MARK3: variants seen among roughly 807,000 people sequenced by gnomAD.
The protein encoded by MARK3 is microtubule affinity regulating kinase 3, also known as MAP/microtubule affinity-regulating kinase 3.
Under a neutral mutation model 90.1 loss-of-function variants are expected in MARK3, and 46 were observed. The observed-to-expected ratio is 0.51, with a 90% CI of 0.40 to 0.65. The LOEUF is 0.65. MARK3 is among the 30% of genes least tolerant of loss of function. The pLI, the probability that MARK3 is intolerant of heterozygous loss-of-function variation, is 0.00. For missense variants in MARK3, 818 were observed against 947.2 expected (o/e 0.86, Z 1.79); for synonymous variants, 321 against 332.6 (o/e 0.97, Z 0.38).
At chr14:103,475,314 C>A in intron 13 of MARK3, 104 bp downstream of exon 13, 1 of 899,512 alleles carries the variant, frequency 1.1e-6, no homozygotes, top group Non-Finnish European at 1.8e-6. Context: ...CTGGAATGCC[C>A]TCTCTACTAG....
At chr14:103,491,338 G>T in intron 14 of MARK3, 1 of 211,398 alleles carries the variant, frequency 4.7e-6, no homozygotes, top group East Asian at 1.4e-4. Flanking sequence ...CTCCCAAGTT[G>T]CTTTCAGCAT....
At chr14:103,474,968 T>C in intron 12 of MARK3, 25 bp from the exon 13 acceptor site, 1 of 1,573,550 alleles carries the variant, frequency 6.4e-7, no homozygotes, top group Non-Finnish European at 8.7e-7. Context: ...ATTCAGTCAT[T>C]TAAAAAATGA....
intron 3 of MARK3, among the ~76,000 whole-genome samples, chr14:103,437,985 C>G (rs1328304217): frequency 1.3e-5 from 2 of 152,138 alleles, no homozygotes; most frequent in African/African-American, 4.8e-5. Flanking sequence ...TCACAACAGT[C>G]CTGTGAAGCA....
intron 14 of MARK3, among the ~76,000 whole-genome samples, chr14:103,486,364 G>C (rs1451710944): frequency 6.7e-6 from 1 of 149,252 alleles, no homozygotes; most frequent in Non-Finnish European, 1.5e-5. Context: ...GTTTGAGCCT[G>C]GGAGATGGAG....
chr14:103,493,240 C>CT (rs11437791), intron 15 of MARK3, among the ~76,000 whole-genome samples: 45,968 of 123,004 alleles, frequency 0.37, 8,877 homozygotes, highest in East Asian at 0.59. Context: ...GGGAGTATTC[C>CT]TTTTTTTTTT....
At chr14:103,415,257 G>C (rs2091896805) in intron 2 of MARK3, among the ~76,000 whole-genome samples, 1 of 147,094 alleles carries the variant, frequency 6.8e-6, no homozygotes, top group Non-Finnish European at 1.5e-5. Context: ...TTATAAACAA[G>C]ATACATTAAT....
chr14:103,452,018 C>G, intron 5 of MARK3, 35 bp downstream of exon 5: 1 of 1,410,466 alleles, frequency 7.1e-7, no homozygotes, highest in Non-Finnish European at 1.0e-6. Context: ...GGTTTTTTTT[C>G]TTTCTCCCTT....
chr14:103,399,699 C>CAAAA (rs34202093), intron 1 of MARK3, among the ~76,000 whole-genome samples: 1 of 84,328 alleles, frequency 1.2e-5, no homozygotes, highest in African/African-American at 4.5e-5. Context: ...GACTCCATCT[C>CAAAA]AAAAAAAAAA....
Position 103,480,497 on chromosome 14 carries a change from G to T in MARK3, c.1586+7G>T. On this transcript the variant is annotated splice_region_variant and intron_variant, in intron 14 of 17. Coordinates refer to ENST00000429436, the MANE Select transcript of MARK3 (RefSeq NM_001128918.3). Reference sequence around the variant, plus strand: ...AGAATGGCAAAGAAAACAGGTAGGAGATTCTACCTGTTTGTAAGAAAAGTT... The same window carrying T: ...AGAATGGCAAAGAAAACAGGTAGGATATTCTACCTGTTTGTAAGAAAAGTT... 6 of 1,538,554 alleles carry T rather than the reference G, an allele frequency of 3.9e-6. No homozygotes were observed. Among genetic ancestry groups the T allele is most frequent in the Non-Finnish European group, 5.4e-6 (6 of 1,117,398 alleles).
At chr14:103,412,603 G>C (rs1302330691) in intron 2 of MARK3, 7 of 951,194 alleles carry the variant, frequency 7.4e-6, no homozygotes, top group African/African-American at 1.7e-5. Context: ...ACTTAAGCCT[G>C]ACGGTGCCCG....
chr14:103,392,806 CT>C (rs35611427), intron 1 of MARK3, among the ~76,000 whole-genome samples: 104 of 146,634 alleles, frequency 7.1e-4, no homozygotes, highest in Admixed American at 8.8e-4. Context: ...ATTTAATTAG[CT>C]TTTTTTTTTT....
At position 103,392,880 on chromosome 14, in the gene MARK3, G is replaced by A. The variant is rs143936126; in HGVS notation, c.51+6800G>A. ...GGCTGGAGTGCAGTGGCACGATCTC[G>A]CTCGCTGCAACCTCCGCCTCCCGGG... On this transcript the variant is annotated intron_variant, in intron 1 of 17. Transcript: ENST00000429436. 2.0e-5 allele frequency among the ~76,000 whole-genome samples: 3 copies of A among 151,790 alleles called. 1 individual carries two copies. The highest frequency in any genetic ancestry group is 3.9e-4 in the East Asian group (2 of 5,146).
chr14:103,416,826 C>T (rs138355256), intron 2 of MARK3, among the ~76,000 whole-genome samples: 99 of 151,994 alleles, frequency 6.5e-4, no homozygotes, highest in African/African-American at 2.1e-3. Context: ...CAGAGGGTGC[C>T]GGCATCAGTG....
intron 2 of MARK3, 138 bp downstream of exon 2, chr14:103,405,405 C>T (rs1445139473): frequency 5.1e-6 from 3 of 591,608 alleles, no homozygotes; most frequent in Non-Finnish European, 8.2e-6. Context: ...GGCTGGAGTG[C>T]AGTGGCATGA....
At chr14:103,497,131 G>C (rs1388713942) in intron 15 of MARK3, among the ~76,000 whole-genome samples, 2 of 152,140 alleles carry the variant, frequency 1.3e-5, no homozygotes, top group African/African-American at 4.8e-5. Context: ...AAATATTTTG[G>C]ATAATACTGC....
At chr14:103,498,470 ATTT>A (rs202211193) in intron 15 of MARK3, 29 bp from the exon 16 acceptor site, 53 of 1,052,308 alleles carry the variant, frequency 5.0e-5, no homozygotes, top group South Asian at 1.6e-4. Context: ...ATTTTTGTTA[ATTT>A]TTTTTTTTTT....
chr14:103,488,136 C>T (rs990232204), intron 14 of MARK3, among the ~76,000 whole-genome samples: 1 of 152,118 alleles, frequency 6.6e-6, no homozygotes, highest in Non-Finnish European at 1.5e-5. Flanking sequence ...TCTTTAAAAA[C>T]CTTAGTCAGT....
chr14:103,398,160 A>C (rs928664440), intron 1 of MARK3, among the ~76,000 whole-genome samples: 1 of 152,218 alleles, frequency 6.6e-6, no homozygotes, highest in Admixed American at 6.5e-5. Flanking sequence ...ACCACAAAAA[A>C]AATGCTTCAA....
At chr14:103,450,591 C>A (rs2093112462) in intron 4 of MARK3, among the ~76,000 whole-genome samples, 1 of 152,112 alleles carries the variant, frequency 6.6e-6, no homozygotes, top group Non-Finnish European at 1.5e-5. Context: ...AACACATGTG[C>A]CTTAACTTTC....
Sources: gnomAD v4.1 joint callset for allele counts (sites outside exome capture counted in the v4.1 genomes callset) on GRCh38, gnomAD v4.1.1 for gene constraint, MANE v1.5 for transcripts, NCBI Gene and HGNC (gene_info 2026-07-23, HGNC 2026-07-21) for gene names.